Variants in ARHGEF28 observed in about 807,000 individuals in gnomAD.
The protein encoded by ARHGEF28 is 190 kDa guanine nucleotide exchange factor.
ARHGEF28 carries 152 observed loss-of-function variants against 206.6 expected under a neutral mutation model. That is an observed-to-expected ratio of 0.74 (90% CI 0.64 to 0.84). The LOEUF (loss-of-function observed/expected upper bound fraction) is 0.84. ARHGEF28 is among the 40% of genes least tolerant of loss of function. The pLI is 0.00. For synonymous variants in ARHGEF28, 763 were observed against 776.4 expected (o/e 0.98, Z 0.29); for missense variants, 2,028 against 2,073.2 (o/e 0.98, Z 0.42).
intron 1 of ARHGEF28, among the ~76,000 whole-genome samples, chr5:73,650,176 G>A (rs1223753208): frequency 4.0e-5 from 6 of 151,842 alleles, no homozygotes; most frequent in African/African-American, 1.5e-4. Flanking sequence ...CATGTAAGCT[G>A]GTCTACTGTA....
intron 35 of ARHGEF28, among the ~76,000 whole-genome samples, chr5:73,939,329 A>G (rs967363542): frequency 6.6e-6 from 1 of 152,194 alleles, no homozygotes; most frequent in Non-Finnish European, 1.5e-5. Context: ...TTCTGCAGGT[A>G]TGCTTTCAGT....
intron 35 of ARHGEF28, among the ~76,000 whole-genome samples, chr5:73,925,554 G>C (rs914076121): frequency 6.6e-6 from 1 of 152,174 alleles, no homozygotes; most frequent in Non-Finnish European, 1.5e-5. Flanking sequence ...AGTCAGTTTT[G>C]TGGGAAGAAT....
intron 9 of ARHGEF28, among the ~76,000 whole-genome samples, chr5:73,810,602 A>G (rs189101331): frequency 6.6e-6 from 1 of 152,318 alleles, no homozygotes; most frequent in Non-Finnish European, 1.5e-5. Context: ...TTCAATAGGC[A>G]TGAGAATTGC....
intron 5 of ARHGEF28, among the ~76,000 whole-genome samples, chr5:73,775,233 T>G (rs1436046708): frequency 6.6e-6 from 1 of 152,268 alleles, no homozygotes; most frequent in East Asian, 1.9e-4. Flanking sequence ...ATCTTTTTAC[T>G]GTGTCCAAGA....
At chr5:73,869,224 G>GT (rs1561471000) in intron 20 of ARHGEF28, among the ~76,000 whole-genome samples, 3 of 133,098 alleles carry the variant, frequency 2.3e-5, no homozygotes, top group South Asian at 5.3e-4. Flanking sequence ...GTGTGGGGTG[G>GT]AGGGGGGTGG....
chr5:73,670,032 A>G (rs146064294), intron 1 of ARHGEF28, among the ~76,000 whole-genome samples: 49 of 152,274 alleles, frequency 3.2e-4, no homozygotes, highest in Non-Finnish European at 4.7e-4. Flanking sequence ...TTTCAATAAC[A>G]TTTTGTCATT....
chr5:73,859,633 A>G (rs964923118), intron 16 of ARHGEF28, among the ~76,000 whole-genome samples: 2 of 152,198 alleles, frequency 1.3e-5, no homozygotes, highest in Non-Finnish European at 2.9e-5. Flanking sequence ...AAGTAGCATC[A>G]GGCTGCTCAG....
At chr5:73,741,681 A>C in intron 2 of ARHGEF28, among the ~76,000 whole-genome samples, 1 of 151,622 alleles carries the variant, frequency 6.6e-6, no homozygotes. Context: ...AACCTTCCAA[A>C]ATGCTGGGAT....
At chr5:73,875,797 G>A (rs1306770551) in intron 22 of ARHGEF28, among the ~76,000 whole-genome samples, 1 of 152,092 alleles carries the variant, frequency 6.6e-6, no homozygotes, top group Non-Finnish European at 1.5e-5. Flanking sequence ...TTTGGTACCA[G>A]TACCATGCTG....
intron 11 of ARHGEF28, 133 bp from the exon 12 acceptor site, chr5:73,846,135 A>T: frequency 1.3e-6 from 1 of 744,314 alleles, no homozygotes; most frequent in Non-Finnish European, 2.2e-6. Context: ...ATTAAATACT[A>T]GTTGGAAATT....
At chr5:73,935,467 A>T (rs893178712) in intron 35 of ARHGEF28, among the ~76,000 whole-genome samples, 2 of 152,218 alleles carry the variant, frequency 1.3e-5, no homozygotes, top group African/African-American at 4.8e-5. Flanking sequence ...CAAAATTATT[A>T]GGGACACAGA....
At position 73,894,679 on chromosome 5, in the gene ARHGEF28, A is replaced by G. The variant is rs1652420885; in HGVS notation, c.3841+104A>G. 5 of 1,326,040 alleles carry G rather than the reference A, an allele frequency of 3.8e-6. No homozygotes were observed. The South Asian group carries it at 7.6e-5, about 20-fold the overall frequency. The allele number at this position is 1,326,040 out of a possible 1,614,324, so 82.1% of individuals were successfully genotyped here. On this transcript the variant is annotated intron_variant, in intron 29 of 35. Coordinates refer to ENST00000513042, the MANE Select transcript of ARHGEF28 (RefSeq NM_001177693.2). ...GGTCTTGGTGCTGAGGATACAGCAGAACAAGACAAGGTCCTTACTCGGCTG... is the reference window on the plus strand; with the variant it reads ...GGTCTTGGTGCTGAGGATACAGCAGGACAAGACAAGGTCCTTACTCGGCTG...
At chr5:73,841,590 T>TTG (rs1175156253) in intron 11 of ARHGEF28, among the ~76,000 whole-genome samples, 1 of 151,478 alleles carries the variant, frequency 6.6e-6, no homozygotes, top group Non-Finnish European at 1.5e-5. Context: ...CATGTGGTCC[T>TTG]GATACTTGGC....
chr5:73,692,658 T>C (rs1332236711), intron 2 of ARHGEF28, among the ~76,000 whole-genome samples: 1 of 152,210 alleles, frequency 6.6e-6, no homozygotes, highest in Non-Finnish European at 1.5e-5. Context: ...ATAGCTTCCA[T>C]GAATACTTGG....
chr5:73,758,049 A>T (rs1752407405), intron 4 of ARHGEF28, among the ~76,000 whole-genome samples: 1 of 151,762 alleles, frequency 6.6e-6, no homozygotes. Context: ...CCATCAAACT[A>T]CCTCCCTCCA....
intron 1 of ARHGEF28, among the ~76,000 whole-genome samples, chr5:73,632,480 C>G (rs545783209): frequency 1.3e-5 from 2 of 152,124 alleles, no homozygotes; most frequent in South Asian, 4.1e-4. Context: ...GACCTCATGA[C>G]CATAAAGATA....
At chr5:73,747,129 A>G (rs1458303613) in intron 2 of ARHGEF28, among the ~76,000 whole-genome samples, 1 of 152,184 alleles carries the variant, frequency 6.6e-6, no homozygotes, top group Non-Finnish European at 1.5e-5. Flanking sequence ...GAAAGGTGAG[A>G]ACACATCTCT....
At chr5:73,737,185 A>G (rs1170810159) in intron 2 of ARHGEF28, among the ~76,000 whole-genome samples, 1 of 152,024 alleles carries the variant, frequency 6.6e-6, no homozygotes, top group South Asian at 2.1e-4. Flanking sequence ...ACCAAAGTTT[A>G]AATTCTTTTC....
intron 2 of ARHGEF28, among the ~76,000 whole-genome samples, chr5:73,712,259 G>A (rs752733504): frequency 1.3e-5 from 2 of 152,056 alleles, no homozygotes; most frequent in Non-Finnish European, 2.9e-5. Flanking sequence ...TAAAATCTTT[G>A]TCAGGTTTTG....
Sources: allele counts gnomAD v4.1 joint callset (sites outside exome capture counted in the v4.1 genomes callset), GRCh38; gene constraint gnomAD v4.1.1; transcripts MANE v1.5; gene names NCBI Gene and HGNC (gene_info 2026-07-23, HGNC 2026-07-21).